Variants in XKR4 observed in about 807,000 individuals in gnomAD.
XKR4 encodes XK related 4, also known as XK-related protein 4.
XKR4 carries 12 observed loss-of-function variants against 53.9 expected under a neutral mutation model. The observed-to-expected ratio is 0.22, with a 90% CI of 0.14 to 0.36. XKR4 has a LOEUF of 0.36. Among genes scored for constraint, XKR4 ranks in the 10% least tolerant of loss-of-function variants. XKR4 has a pLI of 1.00. For missense variants in XKR4, 799 were observed against 859.5 expected, an observed-to-expected ratio of 0.93 and a Z score of 0.88; for synonymous variants, 354 against 362.4, an observed-to-expected ratio of 0.98 and a Z score of 0.26.
chr8:55,169,988 C>T (rs1406047714), intron 1 of XKR4, among the ~76,000 whole-genome samples: 1 of 152,126 alleles, frequency 6.6e-6, no homozygotes, highest in Non-Finnish European at 1.5e-5. Context: ...TTGCATATAT[C>T]TTGAGTTATT....
intron 1 of XKR4, among the ~76,000 whole-genome samples, chr8:55,334,474 G>A (rs916354354): frequency 1.3e-5 from 2 of 152,012 alleles, no homozygotes; most frequent in African/African-American, 4.8e-5. Flanking sequence ...TTTATCCCTG[G>A]TCTACTGTTT....
At chr8:55,473,860 C>G (rs2975957) in intron 2 of XKR4, among the ~76,000 whole-genome samples, 59,169 of 150,244 alleles carry the variant, frequency 0.39, 12,632 homozygotes, top group East Asian at 0.53. Context: ...CTTCCTGTCT[C>G]TCTCCCCACC....
At chr8:55,151,965 CATTAA>C (rs1365711033) in intron 1 of XKR4, among the ~76,000 whole-genome samples, 1 of 151,970 alleles carries the variant, frequency 6.6e-6, no homozygotes, top group Non-Finnish European at 1.5e-5. Context: ...ATTTTTATTT[CATTAA>C]ATTAAATTCC....
At chr8:55,156,188 T>C (rs1446265424) in intron 1 of XKR4, among the ~76,000 whole-genome samples, 1 of 151,884 alleles carries the variant, frequency 6.6e-6, no homozygotes, top group Non-Finnish European at 1.5e-5. Flanking sequence ...TTAGACTGTT[T>C]AGTATTGTTT....
intron 1 of XKR4, among the ~76,000 whole-genome samples, chr8:55,292,012 C>T (rs1257007181): frequency 6.6e-6 from 1 of 152,102 alleles, no homozygotes; most frequent in African/African-American, 2.4e-5. Flanking sequence ...AACAAACTTG[C>T]ATCTCTGACA....
At chr8:55,482,598 T>G (rs975390110) in intron 2 of XKR4, among the ~76,000 whole-genome samples, 3 of 152,018 alleles carry the variant, frequency 2.0e-5, no homozygotes, top group African/African-American at 7.3e-5. Flanking sequence ...CAAACCTGAA[T>G]AGAAAAGTAT....
intron 1 of XKR4, among the ~76,000 whole-genome samples, chr8:55,259,921 AC>A (rs149526266): frequency 0.024 from 2,204 of 92,154 alleles, 50 homozygotes; most frequent in African/African-American, 0.082. Flanking sequence ...CCACCCACCC[AC>A]TGCCCCTCCC....
chr8:55,130,135 A>T (rs1816533822), intron 1 of XKR4, among the ~76,000 whole-genome samples: 2 of 152,260 alleles, frequency 1.3e-5, no homozygotes. Flanking sequence ...TATATCAGGT[A>T]CTATTATTGG....
chr8:55,385,419 T>C (rs1457411075), intron 2 of XKR4, among the ~76,000 whole-genome samples: 1 of 152,194 alleles, frequency 6.6e-6, no homozygotes, highest in East Asian at 1.9e-4. Context: ...TGTGAAGCTG[T>C]CTCTGAGCCT....
chr8:55,227,249 G>A (rs1275162087), intron 1 of XKR4, among the ~76,000 whole-genome samples: 1 of 152,210 alleles, frequency 6.6e-6, no homozygotes, highest in Non-Finnish European at 1.5e-5. Flanking sequence ...ATAGCTGAAA[G>A]ATGTGATGAT....
At chr8:55,370,648 AT>A (rs959801843) in intron 2 of XKR4, among the ~76,000 whole-genome samples, 25 of 152,222 alleles carry the variant, frequency 1.6e-4, no homozygotes, top group Non-Finnish European at 2.8e-4. Flanking sequence ...GAGAGTTGTG[AT>A]TTTTTTCTTT....
chr8:55,314,721 C>T (rs192731194), intron 1 of XKR4, among the ~76,000 whole-genome samples: 53 of 152,290 alleles, frequency 3.5e-4, no homozygotes, highest in African/African-American at 1.3e-3. Context: ...CAATTGGTAA[C>T]AGGCTCCCAA....
intron 2 of XKR4, among the ~76,000 whole-genome samples, chr8:55,358,621 G>C (rs1235091929): frequency 1.3e-5 from 2 of 152,190 alleles, no homozygotes; most frequent in African/African-American, 4.8e-5. Flanking sequence ...CAGACTGGTG[G>C]GTAAGCAGGT....
At position 55,449,662 on chromosome 8, in the gene XKR4, A is replaced by G. The variant is rs2622585; in HGVS notation, c.1007-73619A>G. 3 of 905,138 alleles carry G rather than the reference A, an allele frequency of 3.3e-6. No homozygotes were observed. In the African/African-American group the frequency reaches 4.9e-5, roughly 15 times the overall value. 56.1% of individuals were successfully genotyped at this position (905,138 alleles called of 1,614,324 possible). On this transcript the variant is annotated intron_variant, in intron 2 of 2. Transcript: ENST00000327381. ...TAGGGGCACCCATGGTGGCCATGCC[A>G]GGTGCCACAGCCTCCACCTCCACCT...
At chr8:55,138,715 G>A (rs908277204) in intron 1 of XKR4, among the ~76,000 whole-genome samples, 4 of 152,206 alleles carry the variant, frequency 2.6e-5, no homozygotes, top group Non-Finnish European at 1.5e-5. Context: ...CCATGCACTG[G>A]TCACTGTACT....
intron 1 of XKR4, among the ~76,000 whole-genome samples, chr8:55,170,763 C>A (rs1296628580): frequency 1.3e-5 from 2 of 152,142 alleles, no homozygotes; most frequent in Non-Finnish European, 2.9e-5. Context: ...GTCAGCAAAC[C>A]AAAGATGGAT....
At chr8:55,139,170 A>G (rs2170254) in intron 1 of XKR4, among the ~76,000 whole-genome samples, 22,053 of 152,204 alleles carry the variant, frequency 0.14, 2,026 homozygotes, top group Middle Eastern at 0.29. Flanking sequence ...GGGCAGTAAT[A>G]TCAGTCCCAT....
chr8:55,524,309 A>C lies in XKR4; in HGVS notation c.*82A>C, dbSNP rs1806849923. 6 of 1,375,588 alleles carry C rather than the reference A, an allele frequency of 4.4e-6. No homozygotes were observed. Among genetic ancestry groups the C allele is most frequent in the Non-Finnish European group, 6.0e-6 (6 of 1,004,856 alleles). The allele number at this position is 1,375,588 out of a possible 1,614,324, so 85.2% of individuals were successfully genotyped here. A position where few individuals can be genotyped will look rare whatever the true frequency, so the allele number is the denominator to read the frequency against. The stretch of plus-strand genomic sequence containing the variant: ...TGGCCATAATGACACTTCATCCTAG[A>C]GCAGGGCAGTGAGCCGTGAAGTTCC... On this transcript the variant is annotated 3_prime_UTR_variant, in exon 3 of 3. Coordinates refer to ENST00000327381, the MANE Select transcript of XKR4 (RefSeq NM_052898.2).
At chr8:55,254,195 T>C (rs563367341) in intron 1 of XKR4, among the ~76,000 whole-genome samples, 1 of 152,116 alleles carries the variant, frequency 6.6e-6, no homozygotes, top group South Asian at 2.1e-4. Flanking sequence ...GAGATATATA[T>C]AGAGAGAGAG....
Sources: allele counts gnomAD v4.1 joint callset (sites outside exome capture counted in the v4.1 genomes callset), GRCh38; gene constraint gnomAD v4.1.1; transcripts MANE v1.5; gene names NCBI Gene and HGNC (gene_info 2026-07-23, HGNC 2026-07-21).